The following SSBP2 variants were observed in gnomAD, a reference collection of about 807,000 sequenced individuals.
SSBP2 encodes single stranded DNA binding protein 2.
A neutral mutation model predicts 61.8 loss-of-function variants in SSBP2; 17 were observed. That is an observed-to-expected ratio of 0.28 (90% CI 0.19 to 0.41). The LOEUF (loss-of-function observed/expected upper bound fraction) is 0.41, where lower values mean the gene tolerates loss of function less well. SSBP2 is among the 10% of genes least tolerant of loss of function. The probability of loss-of-function intolerance (pLI) is 1.00; values close to 1 mark genes in which losing one functional copy is unlikely to be tolerated. For synonymous variants in SSBP2, 139 were observed against 141.3 expected (o/e 0.98, Z 0.12); for missense variants, 310 against 458.7 (o/e 0.68, Z 2.96).
At chr5:81,547,492 G>A (rs1308405534) in intron 4 of SSBP2, among the ~76,000 whole-genome samples, 1 of 151,958 alleles carries the variant, frequency 6.6e-6, no homozygotes, top group Non-Finnish European at 1.5e-5. Flanking sequence ...TTTGAGACAG[G>A]ATCTCACGCT....
intron 10 of SSBP2, among the ~76,000 whole-genome samples, chr5:81,459,989 G>T (rs1011072840): frequency 6.6e-6 from 1 of 152,066 alleles, no homozygotes; most frequent in African/African-American, 2.4e-5. Context: ...AGCAAACATC[G>T]TAGCTATTAA....
At chr5:81,461,425 T>A (rs1188533035) in intron 9 of SSBP2, among the ~76,000 whole-genome samples, 1 of 152,082 alleles carries the variant, frequency 6.6e-6, no homozygotes, top group Admixed American at 6.5e-5. Context: ...CACACTTCTG[T>A]AGTGAAAAGT....
intron 4 of SSBP2, among the ~76,000 whole-genome samples, chr5:81,609,601 A>C (rs1372585248): frequency 6.6e-6 from 1 of 152,188 alleles, no homozygotes; most frequent in African/African-American, 2.4e-5. Context: ...CAAATGATAG[A>C]AGTGACAGTG....
rs573056219 is a variant in SSBP2, at chr5:81,725,076, A to G, written c.62+25905T>C. On this transcript the variant is annotated intron_variant, in intron 1 of 16. Transcript: ENST00000320672. ...TTGAGCAGAGAAAATAAATAAATAC[A>G]TAACATAATATAAGGTTTTGTTGTG... Among the ~76,000 whole-genome samples, 15 of 152,304 alleles carry G rather than the reference A, an allele frequency of 9.8e-5. No individual in the cohort carries two copies. The South Asian group carries it at 3.1e-3, about 32-fold the overall frequency.
chr5:81,634,619 T>C (rs565566368), intron 3 of SSBP2, among the ~76,000 whole-genome samples: 154 of 152,352 alleles, frequency 1.0e-3, no homozygotes, highest in African/African-American at 3.6e-3. Flanking sequence ...AAAACTGCAT[T>C]GTATTCTCTT....
chr5:81,537,652 A>T (rs1770914591), intron 4 of SSBP2, among the ~76,000 whole-genome samples: 1 of 152,146 alleles, frequency 6.6e-6, no homozygotes, highest in East Asian at 1.9e-4. Context: ...TTCTTGTAAT[A>T]CTTTATCATT....
At chr5:81,718,905 T>C (rs965601121) in intron 1 of SSBP2, among the ~76,000 whole-genome samples, 1 of 152,218 alleles carries the variant, frequency 6.6e-6, no homozygotes, top group South Asian at 2.1e-4. Context: ...TGTAAATTTC[T>C]AAGGACATTT....
chr5:81,694,339 C>G (rs771251531), intron 1 of SSBP2, among the ~76,000 whole-genome samples: 9 of 152,068 alleles, frequency 5.9e-5, no homozygotes, highest in Non-Finnish European at 1.3e-4. Context: ...TTGTGTGTAA[C>G]AAAATAAAAG....
intron 14 of SSBP2, chr5:81,437,934 TAAA>T (rs1215768129): frequency 6.6e-6 from 1 of 152,142 alleles, no homozygotes; most frequent in Non-Finnish European, 1.5e-5. Context: ...GTATTAATAT[TAAA>T]AAGTTGATAG....
chr5:81,522,749 C>T (rs1769588825), intron 4 of SSBP2, among the ~76,000 whole-genome samples: 1 of 152,026 alleles, frequency 6.6e-6, no homozygotes, highest in South Asian at 2.1e-4. Flanking sequence ...TTTAGCACCA[C>T]GTACTCTACC....
intron 1 of SSBP2, among the ~76,000 whole-genome samples, chr5:81,687,168 C>T (rs897706982): frequency 2.0e-5 from 3 of 152,186 alleles, no homozygotes; most frequent in Admixed American, 6.5e-5. Context: ...CCGCATGGTA[C>T]GGAGAATCTG....
rs534523343 is a variant in SSBP2, at chr5:81,569,374, A to G, written c.282+46099T>C. On this transcript the variant is annotated intron_variant, in intron 4 of 16. Coordinates refer to ENST00000320672, the MANE Select transcript of SSBP2 (RefSeq NM_012446.5). ...TATCCTTGGGTTAATGAAACAGTTT[A>G]ACAAAAGTAGACTGGGGAGTGGGGA... is the stretch of plus-strand genomic sequence containing the variant. Among the ~76,000 whole-genome samples the G allele has an allele frequency of 3.9e-5, 6 of 152,304 alleles. No homozygotes were observed. In the East Asian group the frequency reaches 7.7e-4, roughly 20 times the overall value.
chr5:81,582,446 A>T (rs573463587), intron 4 of SSBP2, among the ~76,000 whole-genome samples: 1 of 152,194 alleles, frequency 6.6e-6, no homozygotes, highest in Admixed American at 6.5e-5. Context: ...CTCAATTTTT[A>T]TATTAGATTT....
intron 1 of SSBP2, among the ~76,000 whole-genome samples, chr5:81,685,353 T>C (rs1227022393): frequency 1.3e-5 from 2 of 152,182 alleles, no homozygotes; most frequent in African/African-American, 4.8e-5. Context: ...GAATGAACCC[T>C]AATTTGAACT....
intron 4 of SSBP2, among the ~76,000 whole-genome samples, chr5:81,541,046 T>C (rs1771228123): frequency 6.6e-6 from 1 of 152,076 alleles, no homozygotes; most frequent in African/African-American, 2.4e-5. Context: ...TTCCTGGAGC[T>C]GATAAACTAC....
At chr5:81,649,903 C>T (rs1581250356) in intron 2 of SSBP2, among the ~76,000 whole-genome samples, 1 of 152,150 alleles carries the variant, frequency 6.6e-6, no homozygotes, top group East Asian at 1.9e-4. Context: ...TAAACAAAAT[C>T]CACATTTTCC....
At chr5:81,588,337 A>C (rs1381169805) in intron 4 of SSBP2, among the ~76,000 whole-genome samples, 3 of 151,872 alleles carry the variant, frequency 2.0e-5, no homozygotes, top group Admixed American at 2.0e-4. Flanking sequence ...TCTAGTAGGG[A>C]GATATTATTT....
At position 81,624,489 on chromosome 5, in the gene SSBP2, C is replaced by T. The variant is rs1746938208; in HGVS notation, c.198-8932G>A. 2.0e-5 allele frequency among the ~76,000 whole-genome samples: 3 copies of T among 152,098 alleles called. No homozygotes were observed. In the South Asian group the frequency reaches 6.2e-4, roughly 32 times the overall value. On this transcript the variant is annotated intron_variant, in intron 3 of 16. Transcript: ENST00000320672. ...TACTTAGTGGTTGAGCATCCCAAATCTGAAAATCCAAATTCTAAAAGGCTC... is the reference window on the plus strand; with the variant it reads ...TACTTAGTGGTTGAGCATCCCAAATTTGAAAATCCAAATTCTAAAAGGCTC...
chr5:81,507,009 G>A (rs942223686), intron 5 of SSBP2, among the ~76,000 whole-genome samples: 1 of 151,998 alleles, frequency 6.6e-6, no homozygotes, highest in Admixed American at 6.6e-5. Flanking sequence ...CCACCATGGA[G>A]AAAAGAGGAA....
Sources: allele counts gnomAD v4.1 joint callset (sites outside exome capture counted in the v4.1 genomes callset), GRCh38; gene constraint gnomAD v4.1.1; transcripts MANE v1.5; gene names NCBI Gene and HGNC (gene_info 2026-07-23, HGNC 2026-07-21).